Variants in RARB observed in about 807,000 individuals in gnomAD.
RARB encodes the protein HBV-activated protein.
RARB carries 17 observed loss-of-function variants against 51.9 expected under a neutral mutation model. The observed-to-expected ratio is 0.33, with a 90% CI of 0.22 to 0.49. The LOEUF is 0.49. RARB is among the 20% of genes least tolerant of loss of function. The pLI is 0.99. For missense variants in RARB, 369 were observed against 550.8 expected (o/e 0.67, Z 3.30); for synonymous variants, 215 against 195.4 (o/e 1.10, Z -0.84).
intron 5 of RARB, among the ~76,000 whole-genome samples, chr3:25,241,081 T>C (rs185332101): frequency 1.6e-4 from 24 of 152,274 alleles, no homozygotes; most frequent in African/African-American, 5.3e-4. Flanking sequence ...TAGGAATTTA[T>C]ATATTTCCCC....
At chr3:25,417,477 CTGTTCTCCTGAT>C (rs1415324122) in intron 5 of RARB, among the ~76,000 whole-genome samples, 1 of 152,196 alleles carries the variant, frequency 6.6e-6, no homozygotes, top group Non-Finnish European at 1.5e-5. Context: ...CTTTCCTGTG[CTGTTCTCCTGAT>C]AGTGAATAAG....
At chr3:25,162,647 A>G (rs1460984388) in intron 4 of RARB, among the ~76,000 whole-genome samples, 1 of 152,176 alleles carries the variant, frequency 6.6e-6, no homozygotes, top group Non-Finnish European at 1.5e-5. Flanking sequence ...TGCCTATTTT[A>G]GACATTTCAT....
At chr3:24,849,577 T>C (rs1172689805) in intron 1 of RARB, among the ~76,000 whole-genome samples, 1 of 152,242 alleles carries the variant, frequency 6.6e-6, no homozygotes, top group South Asian at 2.1e-4. Flanking sequence ...TTATTTAGTA[T>C]ACATTGATTA....
In RARB at chr3:25,597,709, A is replaced by G. The variant is rs1375478099; in HGVS notation, c.*1093A>G. Reference sequence around the variant, plus strand: ...TTCAATCACTATGAAGCAGAGTGAAAGCTGTGGTAGAGTGGTTAACAGATA... The same window carrying G: ...TTCAATCACTATGAAGCAGAGTGAAGGCTGTGGTAGAGTGGTTAACAGATA... On this transcript the variant is annotated 3_prime_UTR_variant, in exon 8 of 8. Transcript: ENST00000330688. 1 of 152,572 alleles carries G rather than the reference A, an allele frequency of 6.6e-6. No individual in the cohort carries two copies. Among genetic ancestry groups the G allele is most frequent in the Non-Finnish European group, 1.5e-5 (1 of 68,028 alleles). 9.5% of individuals were successfully genotyped at this position (152,572 alleles called of 1,614,324 possible). A position where few individuals can be genotyped will look rare whatever the true frequency, so the allele number is the denominator to read the frequency against.
At chr3:25,206,598 C>G (rs537264706) in intron 5 of RARB, among the ~76,000 whole-genome samples, 26 of 151,958 alleles carry the variant, frequency 1.7e-4, no homozygotes, top group Non-Finnish European at 3.4e-4. Flanking sequence ...TTCTAAGCTT[C>G]CCGTGTGCTT....
intron 5 of RARB, among the ~76,000 whole-genome samples, chr3:25,291,835 T>A (rs1323836256): frequency 6.6e-6 from 1 of 152,046 alleles, no homozygotes; most frequent in Non-Finnish European, 1.5e-5. Flanking sequence ...AAAAAATGGC[T>A]CTCAGAACAA....
intron 2 of RARB, among the ~76,000 whole-genome samples, chr3:25,057,804 T>C (rs1443987263): frequency 6.6e-6 from 1 of 152,000 alleles, no homozygotes; most frequent in Non-Finnish European, 1.5e-5. Flanking sequence ...TTAAAATAAA[T>C]TGAATTTTTT....
chr3:25,098,254 C>T (rs1429630029), intron 3 of RARB, among the ~76,000 whole-genome samples: 1 of 152,106 alleles, frequency 6.6e-6, no homozygotes, highest in Non-Finnish European at 1.5e-5. Context: ...TATTCTAGGA[C>T]AGGAATTCTT....
At chr3:25,100,006 T>TA (rs1405627300) in intron 3 of RARB, among the ~76,000 whole-genome samples, 2 of 152,224 alleles carry the variant, frequency 1.3e-5, no homozygotes, top group Non-Finnish European at 2.9e-5. Flanking sequence ...CGTTTTCTAC[T>TA]AAACAAAAGC....
rs554146971 is a variant in RARB at position 25,084,501 on chromosome 3, G to C, written c.-328+24325G>C. On this transcript the variant is annotated intron_variant, in intron 3 of 11. Transcript: ENST00000383772. ...TCTGTTTAGATTACACTGGAAATAT[G>C]TTGATATCATCAATACGTATTGGAT... Among the ~76,000 whole-genome samples, 228 of 151,152 alleles carry C rather than the reference G, an allele frequency of 1.5e-3. 2 individuals are homozygous for C. Among genetic ancestry groups the C allele is most frequent in the South Asian group, 6.9e-3 (33 of 4,780 alleles).
chr3:25,186,816 A>C (rs1700987646), intron 5 of RARB, among the ~76,000 whole-genome samples: 1 of 151,062 alleles, frequency 6.6e-6, no homozygotes, highest in Non-Finnish European at 1.5e-5. Flanking sequence ...AAAACATACA[A>C]ATTTGTTTAA....
At chr3:25,077,359 C>G (rs1395001043) in intron 3 of RARB, among the ~76,000 whole-genome samples, 1 of 152,158 alleles carries the variant, frequency 6.6e-6, no homozygotes, top group South Asian at 2.1e-4. Flanking sequence ...TGTTCTTCCT[C>G]CGTTCTCCTC....
At chr3:24,947,145 A>C (rs1695793449) in intron 2 of RARB, among the ~76,000 whole-genome samples, 1 of 152,218 alleles carries the variant, frequency 6.6e-6, no homozygotes, top group South Asian at 2.1e-4. Flanking sequence ...ACACTGAGCC[A>C]AGAGGAGAAA....
chr3:25,223,186 C>A (rs909647193), intron 5 of RARB, among the ~76,000 whole-genome samples: 8 of 152,178 alleles, frequency 5.3e-5, no homozygotes, highest in Non-Finnish European at 1.0e-4. Context: ...CAGCCCTAGG[C>A]AACCACTCAG....
At chr3:24,968,336 T>A (rs9849459) in intron 2 of RARB, among the ~76,000 whole-genome samples, 1 of 151,894 alleles carries the variant, frequency 6.6e-6, no homozygotes, top group African/African-American at 2.4e-5. Context: ...TTCATTCTTT[T>A]GCTAAGACTA....
At chr3:25,452,284 A>C (rs1289679716) in intron 1 of RARB, among the ~76,000 whole-genome samples, 3 of 152,248 alleles carry the variant, frequency 2.0e-5, no homozygotes, top group African/African-American at 7.2e-5. Context: ...TGGTGAGAAC[A>C]CATATTATCA....
Position 24,978,599 on chromosome 3 carries a change from T to C in RARB, c.-379-81526T>C, listed in dbSNP as rs535936331. 1.1e-3 allele frequency among the ~76,000 whole-genome samples: 172 copies of C among 152,280 alleles called. 1 individual carries two copies. The highest frequency in any genetic ancestry group is 3.9e-3 in the African/African-American group (163 of 41,576). On this transcript the variant is annotated intron_variant, in intron 2 of 11. Transcript: ENST00000383772. Reference sequence around the variant, plus strand: ...TGTATTTCTGTGGGGTTGTTGGTGATATCCCCTTTATGATTTTTTTATTGC... The same window carrying C: ...TGTATTTCTGTGGGGTTGTTGGTGACATCCCCTTTATGATTTTTTTATTGC...
chr3:25,428,974 T>C lies in RARB; in HGVS notation c.157+86T>C, dbSNP rs1708093688. 4.9e-6 allele frequency: 7 copies of C among 1,419,222 alleles called. No individual in the cohort carries two copies. In the East Asian group the frequency reaches 9.8e-5, roughly 20 times the overall value. The allele number at this position is 1,419,222 out of a possible 1,614,324, so 87.9% of individuals were successfully genotyped here. On this transcript the variant is annotated intron_variant, in intron 1 of 7. Transcript: ENST00000330688. ...ATAAAGACGTTGGAAATAAACTGCA[T>C]TGGTAGCAAGACAAAGGATTTAATG...
At chr3:24,992,530 G>A (rs1007763096) in intron 2 of RARB, among the ~76,000 whole-genome samples, 1 of 152,148 alleles carries the variant, frequency 6.6e-6, no homozygotes, top group Admixed American at 6.5e-5. Flanking sequence ...GCTATAAATT[G>A]TGTTAGTTTG....
Sources: allele counts gnomAD v4.1 joint callset (sites outside exome capture counted in the v4.1 genomes callset), GRCh38; gene constraint gnomAD v4.1.1; transcripts MANE v1.5; gene names NCBI Gene and HGNC (gene_info 2026-07-23, HGNC 2026-07-21).